The following CSMD3 variants were observed in gnomAD, a reference collection of about 807,000 sequenced individuals.
The protein encoded by CSMD3 is CUB and sushi domain-containing protein 3.
CSMD3 carries 177 observed loss-of-function variants against 435.2 expected under a neutral mutation model. That is an observed-to-expected ratio of 0.41 (90% CI 0.36 to 0.46). The LOEUF (loss-of-function observed/expected upper bound fraction) is 0.46. CSMD3 is among the 20% of genes least tolerant of loss of function. CSMD3 has a pLI of 0.34. For missense variants in CSMD3, 4,265 were observed against 4,504.6 expected, an observed-to-expected ratio of 0.95 and a Z score of 1.52; for synonymous variants, 1,656 against 1,520.5, an observed-to-expected ratio of 1.09 and a Z score of -2.07.
At chr8:112,734,879 T>C (rs1418304739) in intron 13 of CSMD3, among the ~76,000 whole-genome samples, 1 of 152,012 alleles carries the variant, frequency 6.6e-6, no homozygotes, top group African/African-American at 2.4e-5. Context: ...AAGTACTTCC[T>C]TCTATCATAC....
intron 2 of CSMD3, among the ~76,000 whole-genome samples, chr8:113,297,063 A>C (rs986373673): frequency 2.0e-5 from 3 of 152,178 alleles, no homozygotes; most frequent in African/African-American, 7.2e-5. Context: ...AAGTATATCA[A>C]TGCTTGATCA....
chr8:112,405,946 A>G (rs186863974), intron 35 of CSMD3, among the ~76,000 whole-genome samples: 4 of 152,284 alleles, frequency 2.6e-5, no homozygotes, highest in African/African-American at 9.6e-5. Context: ...CACAGAGTGT[A>G]TAAGATCTGC....
intron 4 of CSMD3, 31 bp from the exon 5 acceptor site, chr8:113,098,994 A>T (rs1039672731): frequency 2.2e-6 from 3 of 1,368,656 alleles, no homozygotes; most frequent in Admixed American, 3.4e-5. Flanking sequence ...TTCAGTTGTA[A>T]GTTATTGAGA....
At chr8:112,840,922 A>G (rs925911008) in intron 11 of CSMD3, among the ~76,000 whole-genome samples, 11 of 151,866 alleles carry the variant, frequency 7.2e-5, no homozygotes, top group African/African-American at 2.4e-4. Flanking sequence ...TTATAGTGAT[A>G]TAGATACAGA....
intron 2 of CSMD3, among the ~76,000 whole-genome samples, chr8:113,297,907 C>A (rs1174766945): frequency 6.6e-6 from 1 of 152,000 alleles, no homozygotes; most frequent in East Asian, 1.9e-4. Context: ...TATCAAATTT[C>A]TGCTTTTATT....
intron 13 of CSMD3, among the ~76,000 whole-genome samples, chr8:112,712,324 T>C (rs1269680508): frequency 6.6e-6 from 1 of 152,188 alleles, no homozygotes; most frequent in African/African-American, 2.4e-5. Context: ...TTGGTAAATG[T>C]AGTCTGATTC....
At chr8:112,284,322 C>A (rs2130609919) in intron 58 of CSMD3, among the ~76,000 whole-genome samples, 1 of 151,838 alleles carries the variant, frequency 6.6e-6, no homozygotes, top group African/African-American at 2.4e-5. Flanking sequence ...AAATACCTTT[C>A]ATGTTTTATT....
At chr8:112,378,201 G>A (rs59507127) in intron 38 of CSMD3, among the ~76,000 whole-genome samples, 63,775 of 151,150 alleles carry the variant, frequency 0.42, 14,208 homozygotes, top group Middle Eastern at 0.54. Flanking sequence ...ACTCTTATAC[G>A]TTGTTGGCGA....
At chr8:113,014,935 G>A (rs1220066316) in intron 6 of CSMD3, among the ~76,000 whole-genome samples, 1 of 152,078 alleles carries the variant, frequency 6.6e-6, no homozygotes, top group African/African-American at 2.4e-5. Context: ...CTGTGACTCT[G>A]TTTGATAAAA....
intron 23 of CSMD3, among the ~76,000 whole-genome samples, chr8:112,581,456 A>T (rs530913245): frequency 6.6e-6 from 1 of 152,192 alleles, no homozygotes; most frequent in African/African-American, 2.4e-5. Context: ...TGGACAAAAT[A>T]ACATGGCAAT....
chr8:112,459,359 G>GTGTGTGT (rs201845037), intron 32 of CSMD3, among the ~76,000 whole-genome samples: 1 of 93,606 alleles, frequency 1.1e-5, no homozygotes, highest in Non-Finnish European at 2.1e-5. Context: ...GTGTGTGTGT[G>GTGTGTGT]GGGGGGGGGG....
intron 3 of CSMD3, among the ~76,000 whole-genome samples, chr8:113,269,587 G>C (rs567933432): frequency 6.6e-6 from 1 of 152,042 alleles, no homozygotes; most frequent in African/African-American, 2.4e-5. Flanking sequence ...AACCAAAACA[G>C]CATGGTACTG....
At chr8:112,999,708 G>A (rs2085791102) in intron 6 of CSMD3, among the ~76,000 whole-genome samples, 1 of 151,664 alleles carries the variant, frequency 6.6e-6, no homozygotes, top group Admixed American at 6.6e-5. Context: ...TTAAAATGCA[G>A]GTGGAGTGAA....
At chr8:113,219,557 T>C (rs1007360307) in intron 3 of CSMD3, among the ~76,000 whole-genome samples, 1 of 151,426 alleles carries the variant, frequency 6.6e-6, no homozygotes, top group Admixed American at 6.6e-5. Context: ...CTAGGACAAA[T>C]GCGATCTTTT....
chr8:113,435,620 C>G (rs1241269824), intron 1 of CSMD3, among the ~76,000 whole-genome samples: 3 of 151,936 alleles, frequency 2.0e-5, no homozygotes, highest in African/African-American at 7.3e-5. Context: ...GATCCCCCGC[C>G]CCCCCGCGAC....
At chr8:112,873,175 T>C (rs1475730445) in intron 10 of CSMD3, among the ~76,000 whole-genome samples, 3 of 152,030 alleles carry the variant, frequency 2.0e-5, no homozygotes, top group South Asian at 2.1e-4. Flanking sequence ...TTATGTTGAA[T>C]GGACATAATC....
intron 5 of CSMD3, among the ~76,000 whole-genome samples, chr8:113,086,815 T>C (rs1314184708): frequency 2.0e-5 from 3 of 152,188 alleles, no homozygotes; most frequent in Admixed American, 1.3e-4. Context: ...TCCTTGAAAA[T>C]TGAGTTTTCA....
intron 19 of CSMD3, among the ~76,000 whole-genome samples, chr8:112,646,042 T>C (rs960372248): frequency 3.9e-5 from 6 of 152,320 alleles, no homozygotes; most frequent in Non-Finnish European, 7.4e-5. Flanking sequence ...ATGCCACATG[T>C]ACCCTTGTCT....
Position 113,170,892 on chromosome 8 carries a change from T to TA in CSMD3, c.709+2829dup, listed in dbSNP as rs200998487. On this transcript the variant is annotated intron_variant, in intron 4 of 70. Coordinates refer to ENST00000297405, the MANE Select transcript of CSMD3 (RefSeq NM_198123.2). ...AGTGGGTGCCAATTTTGATAGATTTTAAAAAATCATAGAAGTTAGAGTGGT... is the reference window on the plus strand; with the variant it reads ...AGTGGGTGCCAATTTTGATAGATTTTAAAAAAATCATAGAAGTTAGAGTGGT... 8.3e-3 allele frequency among the ~76,000 whole-genome samples: 1,267 copies of TA among 152,002 alleles called. 17 individuals carry two copies. The highest frequency in any genetic ancestry group is 0.029 in the African/African-American group (1,186 of 41,472).
Sources: allele counts gnomAD v4.1 joint callset (sites outside exome capture counted in the v4.1 genomes callset), GRCh38; gene constraint gnomAD v4.1.1; transcripts MANE v1.5; gene names NCBI Gene and HGNC (gene_info 2026-07-23, HGNC 2026-07-21).